Variants in ZFPM2 observed in about 807,000 individuals in gnomAD.
The protein encoded by ZFPM2 is zinc finger protein, FOG family member 2, also known as zinc finger protein ZFPM2.
ZFPM2 carries 20 observed loss-of-function variants against 98.6 expected under a neutral mutation model. The ratio of observed to expected loss-of-function variants is 0.20; its 90% CI spans 0.14 to 0.29. ZFPM2 has a LOEUF of 0.29. Among genes scored for constraint, ZFPM2 ranks in the 10% least tolerant of loss-of-function variants. The pLI, the probability that ZFPM2 is intolerant of heterozygous loss-of-function variation, is 1.00. For synonymous variants in ZFPM2, 518 were observed against 502.7 expected (o/e 1.03, Z -0.41); for missense variants, 1,310 against 1,388.6 (o/e 0.94, Z 0.90).
At chr8:105,500,896 TATTGAA>T (rs1429317407) in intron 3 of ZFPM2, among the ~76,000 whole-genome samples, 1 of 152,174 alleles carries the variant, frequency 6.6e-6, no homozygotes, top group Non-Finnish European at 1.5e-5. Flanking sequence ...CCATAAAGGT[TATTGAA>T]ATTGAAAAAC....
chr8:105,780,820 C>T (rs566038711), intron 5 of ZFPM2, among the ~76,000 whole-genome samples: 2 of 152,292 alleles, frequency 1.3e-5, no homozygotes, highest in South Asian at 4.1e-4. Flanking sequence ...GTGGAGGTTG[C>T]AGTAAGCCGA....
At chr8:105,585,652 G>T (rs955807346) in intron 4 of ZFPM2, among the ~76,000 whole-genome samples, 1 of 152,054 alleles carries the variant, frequency 6.6e-6, no homozygotes. Context: ...AAATAAATGT[G>T]CAATTACTAT....
rs1231280619 is a variant in ZFPM2, at chr8:105,398,719, T to C, written c.41-20425T>C. ...GCAGAGCTCAGATAGTAATTATTGCTTCCCTGGCCACTCACCTCTTGTTAC... is the reference window on the plus strand; with the variant it reads ...GCAGAGCTCAGATAGTAATTATTGCCTCCCTGGCCACTCACCTCTTGTTAC... On this transcript the variant is annotated intron_variant, in intron 1 of 7. Coordinates refer to ENST00000407775, the MANE Select transcript of ZFPM2 (RefSeq NM_012082.4). 3.3e-5 allele frequency among the ~76,000 whole-genome samples: 5 copies of C among 152,154 alleles called. No homozygotes were observed. In the East Asian group the frequency reaches 7.7e-4, roughly 23 times the overall value.
chr8:105,394,973 C>G (rs1388126780), intron 1 of ZFPM2, among the ~76,000 whole-genome samples: 2 of 152,132 alleles, frequency 1.3e-5, no homozygotes, highest in African/African-American at 4.8e-5. Flanking sequence ...GGTCCTTTTC[C>G]CAATGTGGCT....
At chr8:105,612,901 C>G (rs965792801) in intron 4 of ZFPM2, among the ~76,000 whole-genome samples, 4 of 152,086 alleles carry the variant, frequency 2.6e-5, no homozygotes, top group African/African-American at 9.7e-5. Context: ...AAAAAATGAT[C>G]ATTTTCCTGG....
At chr8:105,418,810 T>C in intron 1 of ZFPM2, 1 of 524,364 alleles carries the variant, frequency 1.9e-6, no homozygotes, top group South Asian at 1.5e-5. Flanking sequence ...GATAGTTAAT[T>C]CTAACAAATG....
chr8:105,330,708 A>G (rs1406654633), intron 1 of ZFPM2, among the ~76,000 whole-genome samples: 1 of 148,346 alleles, frequency 6.7e-6, no homozygotes, highest in Non-Finnish European at 1.5e-5. Context: ...TGCAGAAAAG[A>G]TGGTTCAGGC....
At chr8:105,320,392 T>C (rs1303681942) in intron 1 of ZFPM2, among the ~76,000 whole-genome samples, 1 of 151,962 alleles carries the variant, frequency 6.6e-6, no homozygotes, top group African/African-American at 2.4e-5. Context: ...TTAAAGCAAG[T>C]ACTGGACTTC....
At chr8:105,532,343 T>C (rs191875386) in intron 3 of ZFPM2, among the ~76,000 whole-genome samples, 3 of 152,312 alleles carry the variant, frequency 2.0e-5, no homozygotes, top group Admixed American at 2.0e-4. Flanking sequence ...TTTTCAAATA[T>C]CTCTAGATAA....
intron 5 of ZFPM2, among the ~76,000 whole-genome samples, chr8:105,746,101 G>GA (rs777387836): frequency 2.0e-5 from 3 of 151,930 alleles, no homozygotes; most frequent in Non-Finnish European, 4.4e-5. Flanking sequence ...AGAAACTTTT[G>GA]AAGTGTAGGG....
chr8:105,386,457 T>C (rs1810991901), intron 1 of ZFPM2, among the ~76,000 whole-genome samples: 1 of 151,850 alleles, frequency 6.6e-6, no homozygotes, highest in Non-Finnish European at 1.5e-5. Flanking sequence ...TCGTGGTGAG[T>C]GTTATAGCTC....
chr8:105,523,944 C>A (rs1180028938), intron 3 of ZFPM2, among the ~76,000 whole-genome samples: 1 of 152,126 alleles, frequency 6.6e-6, no homozygotes, highest in Non-Finnish European at 1.5e-5. Flanking sequence ...TGCCCATGTG[C>A]AAGTCCTGAC....
At chr8:105,558,639 C>G (rs958502644) in intron 3 of ZFPM2, among the ~76,000 whole-genome samples, 1 of 152,076 alleles carries the variant, frequency 6.6e-6, no homozygotes, top group Non-Finnish European at 1.5e-5. Context: ...GATAAGGAGT[C>G]ACTGTTTACT....
Position 105,561,606 on chromosome 8 carries a change from T to C in ZFPM2, c.420+125T>C. 3 of 774,428 alleles carry C rather than the reference T, an allele frequency of 3.9e-6. No homozygotes were observed. The South Asian group carries it at 5.8e-5, about 15-fold the overall frequency. 48.0% of individuals were successfully genotyped at this position (774,428 alleles called of 1,614,324 possible). A position where few individuals can be genotyped will look rare whatever the true frequency, so the allele number is the denominator to read the frequency against. On this transcript the variant is annotated intron_variant, in intron 4 of 7. Coordinates refer to ENST00000407775, the MANE Select transcript of ZFPM2 (RefSeq NM_012082.4). ...AAAAATAACCATTTGTTTTTGCTTTTTCGTGGACAGCAAAACTTGGATACT... is the reference window on the plus strand; with the variant it reads ...AAAAATAACCATTTGTTTTTGCTTTCTCGTGGACAGCAAAACTTGGATACT...
intron 1 of ZFPM2, among the ~76,000 whole-genome samples, chr8:105,382,914 T>C (rs1412131010): frequency 6.6e-6 from 1 of 152,118 alleles, no homozygotes; most frequent in African/African-American, 2.4e-5. Context: ...ATTAAAGGTG[T>C]AGAATATAGT....
intron 3 of ZFPM2, among the ~76,000 whole-genome samples, chr8:105,496,673 G>GTT (rs35067278): frequency 3.1e-5 from 4 of 128,374 alleles, no homozygotes; most frequent in East Asian, 2.4e-4. Flanking sequence ...TGTTTTTTTG[G>GTT]TTTTTTTTTT....
chr8:105,726,036 A>G (rs958226899), intron 5 of ZFPM2, among the ~76,000 whole-genome samples: 3 of 151,684 alleles, frequency 2.0e-5, no homozygotes, highest in African/African-American at 7.3e-5. Flanking sequence ...AAAATAACCT[A>G]TTTTTAAGTA....
intron 4 of ZFPM2, among the ~76,000 whole-genome samples, chr8:105,570,666 T>C (rs780659440): frequency 7.2e-5 from 11 of 152,230 alleles, no homozygotes; most frequent in African/African-American, 1.7e-4. Flanking sequence ...GCTAGCCTGT[T>C]AACCTCAATC....
intron 1 of ZFPM2, among the ~76,000 whole-genome samples, chr8:105,390,865 G>T (rs535155806): frequency 5.9e-5 from 9 of 152,222 alleles, no homozygotes; most frequent in African/African-American, 1.9e-4. Flanking sequence ...GTAAGAAACT[G>T]CAGACTGATA....
Sources: gnomAD v4.1 joint callset for allele counts (sites outside exome capture counted in the v4.1 genomes callset) on GRCh38, gnomAD v4.1.1 for gene constraint, MANE v1.5 for transcripts, NCBI Gene and HGNC (gene_info 2026-07-23, HGNC 2026-07-21) for gene names.